ABCA13: variants seen among roughly 807,000 people sequenced by gnomAD.
ABCA13 encodes ATP binding cassette subfamily A member 13.
In ABCA13, 476 loss-of-function variants were observed where a neutral mutation model predicts 478.7. The ratio of observed to expected loss-of-function variants is 0.99; its 90% CI spans 0.92 to 1.07. The LOEUF (loss-of-function observed/expected upper bound fraction) is 1.07. Among genes scored for constraint, ABCA13 ranks in the 50% least tolerant of loss-of-function variants. The pLI is 0.00. For missense variants in ABCA13, 6,060 were observed against 5,910.6 expected (o/e 1.03, Z -0.83); for synonymous variants, 2,252 against 2,158.9 (o/e 1.04, Z -1.20).
rs776281703 is a variant in ABCA13, at chr7:48,524,351, G to A, written c.14155G>A (p.Val4719Met). Residue 4719 changes from valine to methionine, a missense_variant, in exon 54 of 62, where the codon GTG (valine) becomes ATG (methionine). By Grantham distance (21) the Val-to-Met change is conservative. Coordinates refer to ENST00000435803, the MANE Select transcript of ABCA13 (RefSeq NM_152701.5). ...AGGAAGGACCAATGGAGACATTCTTGTGTTATACAACCTTAGTAAACATTA... is the reference window on the plus strand; with the variant it reads ...AGGAAGGACCAATGGAGACATTCTTATGTTATACAACCTTAGTAAACATTA... ...FEGRTNGDIL[V>M]LYNLSKHYRR... The A allele has an allele frequency of 2.7e-5, 44 of 1,613,120 alleles. No individual in the cohort carries two copies. In the Admixed American group the frequency reaches 7.2e-4, roughly 26 times the overall value.
At chr7:48,202,964 G>T (rs1376840635) in intron 3 of ABCA13, among the ~76,000 whole-genome samples, 1 of 152,220 alleles carries the variant, frequency 6.6e-6, no homozygotes, top group African/African-American at 2.4e-5. Flanking sequence ...GGAGCAGGGG[G>T]CGGCGCTCGT....
At chr7:48,189,046 G>A (rs1796738229) in intron 1 of ABCA13, among the ~76,000 whole-genome samples, 1 of 152,140 alleles carries the variant, frequency 6.6e-6, no homozygotes, top group African/African-American at 2.4e-5. Flanking sequence ...TTTACCAGAC[G>A]GTTATTTTTC....
intron 53 of ABCA13, 146 bp downstream of exon 53, chr7:48,520,440 T>G: frequency 9.7e-7 from 1 of 1,035,862 alleles, no homozygotes; most frequent in Non-Finnish European, 1.3e-6. Flanking sequence ...TTATTATTTT[T>G]TAAACATTGA....
chr7:48,358,914 C>T (rs1810384331), intron 31 of ABCA13, among the ~76,000 whole-genome samples: 1 of 151,950 alleles, frequency 6.6e-6, no homozygotes, highest in Admixed American at 6.5e-5. Context: ...TGCATCTCAC[C>T]TTCTAAGTTT....
At chr7:48,616,183 T>C (rs1199345445) in intron 59 of ABCA13, among the ~76,000 whole-genome samples, 2 of 152,188 alleles carry the variant, frequency 1.3e-5, no homozygotes, top group Non-Finnish European at 2.9e-5. Flanking sequence ...AATAGTCATA[T>C]GTAAATTTTA....
chr7:48,436,867 A>G (rs558549822), intron 42 of ABCA13, among the ~76,000 whole-genome samples: 1 of 151,008 alleles, frequency 6.6e-6, no homozygotes, highest in African/African-American at 2.4e-5. Context: ...TCTTTCCACT[A>G]TGTTCAGAAA....
intron 59 of ABCA13, among the ~76,000 whole-genome samples, chr7:48,621,165 T>A (rs1291525525): frequency 2.6e-5 from 4 of 150,944 alleles, no homozygotes; most frequent in Non-Finnish European, 5.9e-5. Context: ...ATTCTTCCTT[T>A]TTCCTTGAGA....
At chr7:48,307,848 T>A (rs1184747947) in intron 23 of ABCA13, among the ~76,000 whole-genome samples, 1 of 151,598 alleles carries the variant, frequency 6.6e-6, no homozygotes, top group Non-Finnish European at 1.5e-5. Flanking sequence ...ACCCAACTAA[T>A]TTTTTTTGTA....
chr7:48,225,941 A>G (rs1788146088), intron 5 of ABCA13, among the ~76,000 whole-genome samples: 1 of 151,344 alleles, frequency 6.6e-6, no homozygotes, highest in African/African-American at 2.4e-5. Context: ...AAGAGAAGAG[A>G]GTTGAGTGGG....
At chr7:48,484,747 C>T (rs1031118735) in intron 47 of ABCA13, among the ~76,000 whole-genome samples, 2 of 152,188 alleles carry the variant, frequency 1.3e-5, no homozygotes, top group Non-Finnish European at 2.9e-5. Context: ...CTTCACCAGG[C>T]ACAAGCATGC....
intron 42 of ABCA13, among the ~76,000 whole-genome samples, chr7:48,429,985 G>T (rs897217094): frequency 6.6e-6 from 1 of 152,030 alleles, no homozygotes; most frequent in Non-Finnish European, 1.5e-5. Flanking sequence ...AGCAGGTATT[G>T]GTCTGCAATT....
chr7:48,178,449 C>T (rs565065019), intron 1 of ABCA13, among the ~76,000 whole-genome samples: 4 of 152,016 alleles, frequency 2.6e-5, no homozygotes, highest in East Asian at 1.9e-4. Flanking sequence ...CCGAGGAGGG[C>T]GGATCACCTG....
chr7:48,346,620 C>T (rs990260330), intron 29 of ABCA13, among the ~76,000 whole-genome samples: 8 of 152,118 alleles, frequency 5.3e-5, no homozygotes, highest in South Asian at 4.2e-4. Context: ...GTTGGAGCCT[C>T]GCTCTCTCCT....
At chr7:48,562,107 G>T (rs947839267) in intron 55 of ABCA13, among the ~76,000 whole-genome samples, 11 of 136,622 alleles carry the variant, frequency 8.1e-5, no homozygotes, top group African/African-American at 2.8e-4. Flanking sequence ...ATATGTATGG[G>T]GGGGGAGGTG....
In ABCA13 at chr7:48,278,080, A is replaced by C; in HGVS notation, c.6900-14A>C. The C allele has an allele frequency of 1.0e-6, 1 of 968,198 alleles. No individual in the cohort carries two copies. The highest frequency in any genetic ancestry group is 1.4e-6 in the Non-Finnish European group (1 of 711,552). 60.0% of individuals were successfully genotyped at this position (968,198 alleles called of 1,614,324 possible). ...AAAATTAAATTAAAAGTATATATATATATATATTTACAGTTTTGTCCCAAA... is the reference window on the plus strand; with the variant it reads ...AAAATTAAATTAAAAGTATATATATCTATATATTTACAGTTTTGTCCCAAA... On this transcript the variant is annotated splice_polypyrimidine_tract_variant and intron_variant, in intron 17 of 61. Transcript: ENST00000435803.
rs988739503 is a variant in ABCA13 at position 48,581,816 on chromosome 7, A to C, written c.14505+1442A>C. ...AGTATTGCTACTTGCTCTTGTTTCT[A>C]AGATGTCTGCACACTTTTGCATCTG... On this transcript the variant is annotated intron_variant, in intron 56 of 61. Coordinates refer to ENST00000435803, the MANE Select transcript of ABCA13 (RefSeq NM_152701.5). 3.3e-5 allele frequency among the ~76,000 whole-genome samples: 5 copies of C among 152,184 alleles called. No homozygotes were observed. The East Asian group carries it at 9.6e-4, about 29-fold the overall frequency.
chr7:48,276,229 A>G lies in ABCA13; in HGVS notation c.6563A>G (p.His2188Arg). ...AGNFDVAFLT[H>R]LLNQEQLTNF... The stretch of plus-strand genomic sequence containing the variant: ...AATTTTGATGTTGCCTTTCTTACCC[A>G]TCTGCTAAATCAAGAACAGCTGACT... Residue 2188 changes from histidine (H) to arginine (R), a missense_variant, in exon 17 of 62, where the codon CAT (histidine) becomes CGT (arginine). Coordinates refer to ENST00000435803, the MANE Select transcript of ABCA13 (RefSeq NM_152701.5). 2 of 1,576,894 alleles carry G rather than the reference A, an allele frequency of 1.3e-6. No individual in the cohort carries two copies. Among genetic ancestry groups the G allele is most frequent in the South Asian group, 1.2e-5 (1 of 86,640 alleles).
chr7:48,594,392 C>G (rs768690507), intron 57 of ABCA13, among the ~76,000 whole-genome samples: 19 of 151,736 alleles, frequency 1.3e-4, no homozygotes, highest in Non-Finnish European at 2.5e-4. Flanking sequence ...TTTTTCTGCG[C>G]CAGTATTTCT....
chr7:48,327,899 T>C (rs1423547253), intron 27 of ABCA13, among the ~76,000 whole-genome samples: 2 of 152,200 alleles, frequency 1.3e-5, no homozygotes, highest in Admixed American at 6.5e-5. Flanking sequence ...AGTTTAAAGA[T>C]ATTTATTTGT....
Sources: allele counts gnomAD v4.1 joint callset (sites outside exome capture counted in the v4.1 genomes callset), GRCh38; gene constraint gnomAD v4.1.1; transcripts MANE v1.5; gene names NCBI Gene and HGNC (gene_info 2026-07-23, HGNC 2026-07-21).